PABPC4L: variants seen among roughly 807,000 people sequenced by gnomAD.
The protein encoded by PABPC4L is polyadenylate-binding protein 4-like.
For synonymous variants in PABPC4L, 169 were observed against 164.1 expected (o/e 1.03, Z -0.23); for missense variants, 452 against 451.4 (o/e 1.00, Z -0.01).
chr4:134,193,590 A>G (rs1014222303), downstream of PABPC4L, among the ~76,000 whole-genome samples: 8 of 152,024 alleles, frequency 5.3e-5, no homozygotes, highest in Admixed American at 4.6e-4. Flanking sequence ...GATCATTTAC[A>G]TATTTCAATT....
chr4:134,026,388 A>C, the PABPC4L span, among the ~76,000 whole-genome samples: 1 of 152,046 alleles, frequency 6.6e-6, no homozygotes, highest in Non-Finnish European at 1.5e-5. Flanking sequence ...GGTGCACACC[A>C]CCACATCCAG....
chr4:134,132,771 G>A, the PABPC4L span, among the ~76,000 whole-genome samples: 564 of 150,950 alleles, frequency 3.7e-3, 2 homozygotes, highest in African/African-American at 0.013. Context: ...CATATTTATA[G>A]CAGCACTATT....
the PABPC4L span, among the ~76,000 whole-genome samples, chr4:134,111,505 A>G: frequency 4.6e-5 from 7 of 152,034 alleles, no homozygotes; most frequent in African/African-American, 1.7e-4. Flanking sequence ...ACACAAGCAC[A>G]TACACACATA....
chr4:134,043,525 AATTAT>A, the PABPC4L span, among the ~76,000 whole-genome samples: 26 of 152,184 alleles, frequency 1.7e-4, no homozygotes, highest in Admixed American at 1.7e-3. Context: ...AAAAAAACAC[AATTAT>A]ATTATTGCAC....
chr4:134,023,729 A>G, the PABPC4L span, among the ~76,000 whole-genome samples: 1 of 152,050 alleles, frequency 6.6e-6, no homozygotes, highest in Admixed American at 6.6e-5. Context: ...TTTTGAAAAT[A>G]CTGAATAATG....
At chr4:134,009,133 A>C in the PABPC4L span, among the ~76,000 whole-genome samples, 1 of 151,898 alleles carries the variant, frequency 6.6e-6, no homozygotes, top group Non-Finnish European at 1.5e-5. Context: ...AAACTTTTCA[A>C]AGTAAGAACA....
At chr4:133,949,296 T>G in the PABPC4L span, among the ~76,000 whole-genome samples, 1 of 152,186 alleles carries the variant, frequency 6.6e-6, no homozygotes, top group South Asian at 2.1e-4. Context: ...TTTGGTTTTT[T>G]AAAATTTCCA....
At chr4:134,072,145 T>C in the PABPC4L span, among the ~76,000 whole-genome samples, 1 of 152,144 alleles carries the variant, frequency 6.6e-6, no homozygotes, top group Admixed American at 6.5e-5. Context: ...AAACAACCAA[T>C]GACATAAATC....
At chr4:134,184,949 T>A in the PABPC4L span, among the ~76,000 whole-genome samples, 16 of 152,068 alleles carry the variant, frequency 1.1e-4, no homozygotes, top group African/African-American at 3.9e-4. Flanking sequence ...CAGCTGTTCA[T>A]ATGCTTATTC....
At chr4:134,107,700 G>A in the PABPC4L span, among the ~76,000 whole-genome samples, 1 of 151,574 alleles carries the variant, frequency 6.6e-6, no homozygotes, top group South Asian at 2.1e-4. Flanking sequence ...AAGATAGATT[G>A]GTTTATAAAC....
chr4:134,163,983 G>A, the PABPC4L span, among the ~76,000 whole-genome samples: 1 of 152,036 alleles, frequency 6.6e-6, no homozygotes, highest in Non-Finnish European at 1.5e-5. Flanking sequence ...GAAGTCCTGG[G>A]CCAGGCGCGG....
At chr4:133,971,999 C>T in the PABPC4L span, among the ~76,000 whole-genome samples, 9 of 152,100 alleles carry the variant, frequency 5.9e-5, no homozygotes, top group Non-Finnish European at 1.3e-4. Context: ...AAATTACCAA[C>T]ATTCAAATAA....
the PABPC4L span, among the ~76,000 whole-genome samples, chr4:133,987,404 C>G: frequency 2.0e-5 from 3 of 152,248 alleles, no homozygotes; most frequent in Admixed American, 2.0e-4. Context: ...AATTATTCTC[C>G]TATTTAAAGA....
chr4:134,169,793 A>C, the PABPC4L span, among the ~76,000 whole-genome samples: 1 of 152,292 alleles, frequency 6.6e-6, no homozygotes, highest in South Asian at 2.1e-4. Context: ...AGAGGACAAA[A>C]AAAGTAAAGA....
At chr4:133,990,603 C>T in the PABPC4L span, among the ~76,000 whole-genome samples, 2 of 152,166 alleles carry the variant, frequency 1.3e-5, no homozygotes, top group Non-Finnish European at 2.9e-5. Context: ...GAGAGTGCAG[C>T]ACCACCAATG....
the PABPC4L span, among the ~76,000 whole-genome samples, chr4:134,079,346 C>T: frequency 7.2e-3 from 1,087 of 151,118 alleles, 13 homozygotes; most frequent in Non-Finnish European, 0.013. Flanking sequence ...CTTTGGGAGG[C>T]TGAGACAGGC....
the PABPC4L span, among the ~76,000 whole-genome samples, chr4:134,019,853 G>T: frequency 6.6e-6 from 1 of 152,050 alleles, no homozygotes; most frequent in African/African-American, 2.4e-5. Context: ...AGACACTGGG[G>T]TTGGCAGTTA....
At chr4:134,170,876 T>C in the PABPC4L span, among the ~76,000 whole-genome samples, 1 of 152,216 alleles carries the variant, frequency 6.6e-6, no homozygotes, top group Non-Finnish European at 1.5e-5. Context: ...GATCAAATGG[T>C]ACTTCTCTTT....
At chr4:134,116,895 T>C in the PABPC4L span, among the ~76,000 whole-genome samples, 7 of 151,768 alleles carry the variant, frequency 4.6e-5, no homozygotes, top group Admixed American at 4.0e-4. Context: ...ATAAAATAAT[T>C]AAATGTATGC....
Sources: allele counts gnomAD v4.1 joint callset (sites outside exome capture counted in the v4.1 genomes callset), GRCh38; gene constraint gnomAD v4.1.1; transcripts MANE v1.5; gene names NCBI Gene and HGNC (gene_info 2026-07-23, HGNC 2026-07-21).